Variants in ANKIB1 observed in about 807,000 individuals in gnomAD.
ANKIB1 encodes the protein ankyrin repeat and IBR domain containing 1, also known as ankyrin repeat and IBR domain-containing protein 1.
Under a neutral mutation model 122.1 loss-of-function variants are expected in ANKIB1, and 43 were observed. The observed-to-expected ratio is 0.35, with a 90% CI of 0.28 to 0.45. The LOEUF (loss-of-function observed/expected upper bound fraction) is 0.45, where lower values mean the gene tolerates loss of function less well. ANKIB1 is among the 20% of genes least tolerant of loss of function. The pLI, the probability that ANKIB1 is intolerant of heterozygous loss-of-function variation, is 1.00. For missense variants in ANKIB1, 992 were observed against 1,329.5 expected (o/e 0.75, Z 3.95); for synonymous variants, 390 against 442.0 (o/e 0.88, Z 1.48).
chr7:92,301,261 A>G (rs1023300674), intron 2 of ANKIB1, among the ~76,000 whole-genome samples: 1 of 152,058 alleles, frequency 6.6e-6, no homozygotes, highest in Admixed American at 6.5e-5. Flanking sequence ...GTTTTACTCA[A>G]CTTCTGTACT....
chr7:92,385,283 G>GCCACT (rs1562799422), intron 11 of ANKIB1, among the ~76,000 whole-genome samples: 2 of 152,308 alleles, frequency 1.3e-5, no homozygotes, highest in East Asian at 3.9e-4. Context: ...ACTGTTAGTG[G>GCCACT]GAGTGTAAAC....
chr7:92,275,799 T>C (rs1801889834), intron 1 of ANKIB1, among the ~76,000 whole-genome samples: 1 of 152,202 alleles, frequency 6.6e-6, no homozygotes, highest in South Asian at 2.1e-4. Flanking sequence ...ACCAACTCAC[T>C]TTCATTGTAC....
intron 11 of ANKIB1, among the ~76,000 whole-genome samples, chr7:92,380,017 C>T (rs751134139): frequency 1.2e-4 from 18 of 152,162 alleles, no homozygotes; most frequent in Admixed American, 3.3e-4. Context: ...CAGGCTGTAC[C>T]GGGAAAATCG....
Position 92,317,169 on chromosome 7 carries a change from C to T in ANKIB1, c.487-2161C>T, listed in dbSNP as rs142214324. 2.7e-3 allele frequency among the ~76,000 whole-genome samples: 413 copies of T among 152,196 alleles called. 3 individuals carry two copies. Among genetic ancestry groups the T allele is most frequent in the African/African-American group, 9.6e-3 (398 of 41,532 alleles). ...GTCTCTGGATTTACTATAAGTTCCC[C>T]GTATTGAATAAATTAGGTAATATAA... is the stretch of plus-strand genomic sequence containing the variant. On this transcript the variant is annotated intron_variant, in intron 3 of 19. Transcript: ENST00000265742.
At position 92,392,297 on chromosome 7, in the gene ANKIB1, T is replaced by C; in HGVS notation, c.2283+5T>C. The stretch of plus-strand genomic sequence containing the variant: ...TTAGGATTTGCATCACCAGAGGTAA[T>C]TGTTTTATGGGGTTTTTGTTTTTGT... On this transcript the variant is annotated splice_donor_5th_base_variant and intron_variant, in intron 17 of 19. Coordinates refer to ENST00000265742, the MANE Select transcript of ANKIB1 (RefSeq NM_019004.2). 6.2e-7 allele frequency: 1 copy of C among 1,609,708 alleles called. No homozygotes were observed. The highest frequency in any genetic ancestry group is 8.5e-7 in the Non-Finnish European group (1 of 1,177,630).
intron 11 of ANKIB1, among the ~76,000 whole-genome samples, chr7:92,385,968 A>G (rs933990495): frequency 5.9e-5 from 9 of 152,226 alleles, no homozygotes; most frequent in African/African-American, 2.2e-4. Context: ...TCAAAATCCT[A>G]AGCATAAGAA....
chr7:92,251,815 T>C (rs186696861), intron 1 of ANKIB1, among the ~76,000 whole-genome samples: 2 of 152,346 alleles, frequency 1.3e-5, no homozygotes, highest in East Asian at 3.9e-4. Flanking sequence ...ACAACACTGC[T>C]ATCTAGTCCA....
At chr7:92,363,966 G>A (rs963053514) in intron 10 of ANKIB1, among the ~76,000 whole-genome samples, 1 of 152,168 alleles carries the variant, frequency 6.6e-6, no homozygotes, top group Non-Finnish European at 1.5e-5. Flanking sequence ...ATATTTTATA[G>A]TGAAGCCTGA....
chr7:92,396,498 G>A (rs1365143792), intron 18 of ANKIB1, 22 bp downstream of exon 18: 1 of 1,180,910 alleles, frequency 8.5e-7, no homozygotes, highest in African/African-American at 1.5e-5. Flanking sequence ...CATTGAGTAT[G>A]GTTTAATCTC....
chr7:92,374,711 C>A (rs917771281), intron 11 of ANKIB1, among the ~76,000 whole-genome samples: 11 of 149,550 alleles, frequency 7.4e-5, no homozygotes, highest in Non-Finnish European at 1.3e-4. Flanking sequence ...GGATATGACT[C>A]AAAAATTTAG....
intron 1 of ANKIB1, among the ~76,000 whole-genome samples, chr7:92,291,985 ATAAGGAATTCTTT>A (rs1802260262): frequency 6.6e-6 from 1 of 152,194 alleles, no homozygotes; most frequent in Admixed American, 6.5e-5. Flanking sequence ...GAAGCCCAAA[ATAAGGAATTCTTT>A]TCGCCTGTTT....
At chr7:92,375,614 G>A (rs912110417) in intron 11 of ANKIB1, among the ~76,000 whole-genome samples, 1 of 152,146 alleles carries the variant, frequency 6.6e-6, no homozygotes, top group African/African-American at 2.4e-5. Context: ...CACATCTGAG[G>A]TTATTTTTTC....
intron 17 of ANKIB1, chr7:92,396,128 G>T: frequency 2.0e-6 from 1 of 503,994 alleles, no homozygotes; most frequent in Non-Finnish European, 3.5e-6. Flanking sequence ...TAGCACTGGG[G>T]CTTGCAAGTA....
At chr7:92,361,879 G>A (rs907664424) in intron 9 of ANKIB1, among the ~76,000 whole-genome samples, 2 of 151,394 alleles carry the variant, frequency 1.3e-5, no homozygotes, top group African/African-American at 2.4e-5. Context: ...GTGCAATCTC[G>A]GCTCACTGCA....
chr7:92,319,722 G>A, intron 4 of ANKIB1: 3 of 515,678 alleles, frequency 5.8e-6, no homozygotes, highest in South Asian at 2.8e-5. Flanking sequence ...GGGAGGCCAA[G>A]GCACCGGAGT....
chr7:92,369,323 T>C (rs1334645216), intron 10 of ANKIB1, among the ~76,000 whole-genome samples: 5 of 152,360 alleles, frequency 3.3e-5, no homozygotes, highest in African/African-American at 1.2e-4. Flanking sequence ...TTCTCTTTGC[T>C]GTGTGGAATT....
In ANKIB1 at chr7:92,329,435, A is replaced by AAAAT. The variant is rs562694441; in HGVS notation, c.787+1537_787+1540dup. Among the ~76,000 whole-genome samples the AAAAT allele has an allele frequency of 8.5e-5, 13 of 152,322 alleles. No homozygotes were observed. In the East Asian group the frequency reaches 2.3e-3, roughly 27 times the overall value. ...GTCATTAGGTCTAGTGTAAGGCCCA[A>AAAAT]AAATATGTGTTGTGAACAAGTCTAC... is the stretch of plus-strand genomic sequence containing the variant. On this transcript the variant is annotated intron_variant, in intron 5 of 19. Coordinates refer to ENST00000265742, the MANE Select transcript of ANKIB1 (RefSeq NM_019004.2).
chr7:92,262,625 G>A (rs1381326731), intron 1 of ANKIB1, among the ~76,000 whole-genome samples: 2 of 152,112 alleles, frequency 1.3e-5, no homozygotes, highest in African/African-American at 4.8e-5. Flanking sequence ...ATACATACAG[G>A]AAAGAGAAGA....
chr7:92,266,024 G>A (rs2131886896), intron 1 of ANKIB1, among the ~76,000 whole-genome samples: 1 of 152,326 alleles, frequency 6.6e-6, no homozygotes, highest in African/African-American at 2.4e-5. Context: ...AGAAGTAGGT[G>A]TGGGGCTTAG....
Sources: allele counts gnomAD v4.1 joint callset (sites outside exome capture counted in the v4.1 genomes callset), GRCh38; gene constraint gnomAD v4.1.1; transcripts MANE v1.5; gene names NCBI Gene and HGNC (gene_info 2026-07-23, HGNC 2026-07-21).